Variants in NRF1 observed in about 807,000 individuals in gnomAD.
NRF1 encodes the protein alpha palindromic-binding protein.
In NRF1, 5 loss-of-function variants were observed where a neutral mutation model predicts 58.5. The observed-to-expected ratio is 0.09, with a 90% CI of 0.04 to 0.18. The LOEUF is 0.18. Among genes scored for constraint, NRF1 ranks in the 10% least tolerant of loss-of-function variants. NRF1 has a pLI of 1.00. For synonymous variants in NRF1, 224 were observed against 246.7 expected, an observed-to-expected ratio of 0.91 and a Z score of 0.86; for missense variants, 288 against 657.7, an observed-to-expected ratio of 0.44 and a Z score of 6.15.
At chr7:129,634,305 C>A (rs1198180554) in intron 1 of NRF1, among the ~76,000 whole-genome samples, 1 of 152,030 alleles carries the variant, frequency 6.6e-6, no homozygotes, top group Non-Finnish European at 1.5e-5. Flanking sequence ...TATAATCATT[C>A]AGAATGGTTT....
chr7:129,660,622 A>G (rs1262822114), intron 2 of NRF1, among the ~76,000 whole-genome samples: 2 of 150,828 alleles, frequency 1.3e-5, no homozygotes, highest in Admixed American at 6.6e-5. Flanking sequence ...CTTTGATTCC[A>G]TGTCTCACAT....
intron 4 of NRF1, among the ~76,000 whole-genome samples, chr7:129,683,286 A>AGT (rs1442047814): frequency 7.1e-5 from 8 of 111,926 alleles, no homozygotes; most frequent in African/African-American, 2.7e-4. Flanking sequence ...AATCATGTGG[A>AGT]GAGTGTGTGT....
In NRF1 at chr7:129,639,746, C is replaced by T. The variant is rs368839209; in HGVS notation, c.-6-17600C>T. On this transcript the variant is annotated intron_variant, in intron 1 of 10. Coordinates refer to ENST00000393232, the MANE Select transcript of NRF1 (RefSeq NM_005011.5). ...TGTCTTTAGTAGAAACAGGGTTTCACCATGCTGGCCAGGCTGGTCTCGAAC... is the reference window on the plus strand; with the variant it reads ...TGTCTTTAGTAGAAACAGGGTTTCATCATGCTGGCCAGGCTGGTCTCGAAC... Among the ~76,000 whole-genome samples, 4 of 152,164 alleles carry T rather than the reference C, an allele frequency of 2.6e-5. No individual in the cohort carries two copies. In the South Asian group the frequency reaches 8.3e-4, roughly 32 times the overall value.
At chr7:129,620,390 T>G (rs1800765598) in intron 1 of NRF1, among the ~76,000 whole-genome samples, 1 of 55,176 alleles carries the variant, frequency 1.8e-5, no homozygotes, top group Non-Finnish European at 3.3e-5. Context: ...TCAAATCACT[T>G]TTTTTTTTTT....
intron 5 of NRF1, among the ~76,000 whole-genome samples, chr7:129,700,541 G>A (rs1331616823): frequency 6.6e-6 from 1 of 152,124 alleles, no homozygotes; most frequent in Non-Finnish European, 1.5e-5. Flanking sequence ...TGGCAAAGCA[G>A]GCTCTTCTTA....
At chr7:129,617,404 G>A (rs796966269) in intron 1 of NRF1, among the ~76,000 whole-genome samples, 1 of 152,166 alleles carries the variant, frequency 6.6e-6, no homozygotes, top group South Asian at 2.1e-4. Context: ...AACTGTTTGC[G>A]CAGTGGACTA....
intron 2 of NRF1, among the ~76,000 whole-genome samples, chr7:129,663,459 C>T (rs1389011228): frequency 2.1e-5 from 3 of 145,744 alleles, no homozygotes; most frequent in South Asian, 2.2e-4. Context: ...AGACAATGGG[C>T]GGCCGAGCAG....
intron 1 of NRF1, among the ~76,000 whole-genome samples, chr7:129,619,023 A>G (rs896095805): frequency 3.9e-5 from 6 of 152,060 alleles, no homozygotes; most frequent in Non-Finnish European, 7.4e-5. Context: ...CAGATTTTGG[A>G]GCATTTCAGA....
intron 10 of NRF1, among the ~76,000 whole-genome samples, chr7:129,753,726 CTTTTTT>C (rs35182596): frequency 0.027 from 4,115 of 151,564 alleles, 83 homozygotes; most frequent in South Asian, 0.06. Context: ...TAGCTGGGGT[CTTTTTT>C]TTTTAAGTTG....
intron 1 of NRF1, among the ~76,000 whole-genome samples, chr7:129,656,358 G>T (rs1358063564): frequency 2.0e-5 from 3 of 151,068 alleles, no homozygotes; most frequent in African/African-American, 7.3e-5. Flanking sequence ...ATATGAAAAA[G>T]ACAGACAATA....
chr7:129,638,618 AATT>A (rs1285671111), intron 1 of NRF1, among the ~76,000 whole-genome samples: 1 of 152,192 alleles, frequency 6.6e-6, no homozygotes, highest in African/African-American at 2.4e-5. Context: ...CTTATGGGAT[AATT>A]ATTCTCTTCT....
At chr7:129,750,879 G>A (rs951653332) in intron 10 of NRF1, among the ~76,000 whole-genome samples, 2 of 152,088 alleles carry the variant, frequency 1.3e-5, no homozygotes, top group Admixed American at 1.3e-4. Flanking sequence ...CCTTAATCAC[G>A]CAGTCCCTAG....
At chr7:129,729,267 G>A (rs1803523784) in intron 10 of NRF1, among the ~76,000 whole-genome samples, 1 of 152,168 alleles carries the variant, frequency 6.6e-6, no homozygotes, top group South Asian at 2.1e-4. Flanking sequence ...TCTCGGCCAA[G>A]TAGAACCGTT....
At chr7:129,735,391 G>T (rs6955093) in intron 10 of NRF1, 42,655 of 237,436 alleles carry the variant, frequency 0.18, 4,189 homozygotes, top group East Asian at 0.47. Context: ...TTAGCCGGGC[G>T]TGGTGGCACA....
At chr7:129,721,705 T>C (rs1803329034) in intron 9 of NRF1, among the ~76,000 whole-genome samples, 1 of 152,018 alleles carries the variant, frequency 6.6e-6, no homozygotes, top group Admixed American at 6.6e-5. Context: ...ATGGTCTCGA[T>C]CTCCTGACCT....
At chr7:129,626,312 A>G (rs1800918509) in intron 1 of NRF1, among the ~76,000 whole-genome samples, 2 of 152,156 alleles carry the variant, frequency 1.3e-5, no homozygotes, top group Non-Finnish European at 2.9e-5. Context: ...TGAGAGTTGT[A>G]GGGCTGGTCC....
At chr7:129,696,458 G>A (rs1314735211) in intron 5 of NRF1, among the ~76,000 whole-genome samples, 1 of 152,126 alleles carries the variant, frequency 6.6e-6, no homozygotes, top group African/African-American at 2.4e-5. Flanking sequence ...GTGTGTGTAT[G>A]TGTGTTGTAA....
At chr7:129,662,740 G>A (rs1454452750) in intron 2 of NRF1, among the ~76,000 whole-genome samples, 1 of 151,876 alleles carries the variant, frequency 6.6e-6, no homozygotes, top group African/African-American at 2.4e-5. Flanking sequence ...CCAATTTAAG[G>A]TTTATTTATT....
intron 10 of NRF1, among the ~76,000 whole-genome samples, chr7:129,746,667 C>G (rs928619397): frequency 6.6e-6 from 1 of 152,196 alleles, no homozygotes; most frequent in African/African-American, 2.4e-5. Flanking sequence ...TTCTTACTCA[C>G]GTATTCCTCT....
Sources: allele counts gnomAD v4.1 joint callset (sites outside exome capture counted in the v4.1 genomes callset), GRCh38; gene constraint gnomAD v4.1.1; transcripts MANE v1.5; gene names NCBI Gene and HGNC (gene_info 2026-07-23, HGNC 2026-07-21).